Variants in PLA2G1B observed in about 807,000 individuals in gnomAD.
PLA2G1B encodes phospholipase A2 group IB, also known as phospholipase A2.
PLA2G1B carries 12 observed loss-of-function variants against 12.5 expected under a neutral mutation model. The observed-to-expected ratio is 0.96, with a 90% CI of 0.62 to 1.56. PLA2G1B has a LOEUF of 1.56. Ranked by LOEUF, PLA2G1B falls within the 40% of genes most tolerant of loss-of-function variation. The pLI is 0.00. For synonymous variants in PLA2G1B, 81 were observed against 73.4 expected, an observed-to-expected ratio of 1.10 and a Z score of -0.53; for missense variants, 189 against 186.7, an observed-to-expected ratio of 1.01 and a Z score of -0.07.
At chr12:120,325,170 A>G (rs113263838) in intron 2 of PLA2G1B, 109 bp from the exon 3 acceptor site, 7 of 1,026,506 alleles carry the variant, frequency 6.8e-6, no homozygotes, top group African/African-American at 3.2e-5. Flanking sequence ...AAGATGCTTC[A>G]GGAGAAATGA....
intron 1 of PLA2G1B, 107 bp from the exon 2 acceptor site, chr12:120,326,127 T>C (rs1159733560): frequency 8.6e-7 from 1 of 1,165,260 alleles, no homozygotes; most frequent in East Asian, 2.4e-5. Flanking sequence ...CCCTGCCAGC[T>C]GCCTCCTCTG....
At chr12:120,325,443 G>T (rs998382187) in intron 2 of PLA2G1B, among the ~76,000 whole-genome samples, 1 of 151,964 alleles carries the variant, frequency 6.6e-6, no homozygotes, top group Admixed American at 6.6e-5. Context: ...CAAGTGATCC[G>T]CCCGCCTCGG....
Position 120,322,306 on chromosome 12 carries a change from C to T in PLA2G1B, c.334G>A (p.Glu112Lys), listed in dbSNP as rs1226128341. The change falls in exon 4 of 4, where the codon GAG becomes AAG. Residue 112 changes from glutamate to lysine, a missense_variant. By Grantham distance (56) the Glu-to-Lys change is moderately conservative. Coordinates refer to ENST00000308366, the MANE Select transcript of PLA2G1B (RefSeq NM_000928.3). ...CAGTTGCAAATGAAGGCCTCACACTCTTTGTTTTTGCCTGGAGAGGGATGA... is the reference window on the plus strand; with the variant it reads ...CAGTTGCAAATGAAGGCCTCACACTTTTTGTTTTTGCCTGGAGAGGGATGA... Reference protein sequence around the residue: ...SAITCSSKNKECEAFICNCDR... With the variant: ...SAITCSSKNKKCEAFICNCDR... The T allele has an allele frequency of 6.2e-7, 1 of 1,613,854 alleles. No individual in the cohort carries two copies. The highest frequency in any genetic ancestry group is 8.5e-7 in the Non-Finnish European group (1 of 1,179,910).
chr12:120,324,786 T>C (rs1277154983), intron 3 of PLA2G1B, 148 bp downstream of exon 3: 2 of 766,798 alleles, frequency 2.6e-6, no homozygotes, highest in Non-Finnish European at 4.4e-6. Flanking sequence ...TAATTGTACC[T>C]ATCCCATAGT....
rs1463620493 is a variant in PLA2G1B at position 120,322,254 on chromosome 12, G to A, written c.386C>T (p.Ser129Leu). Reference sequence around the variant, plus strand: ...GTGTGCCTTGTTATATGGAGCTTTTGAAAAGCAGATGGCAGCGTTGCGGTC... The same window carrying A: ...GTGTGCCTTGTTATATGGAGCTTTTAAAAAGCAGATGGCAGCGTTGCGGTC... ...NCDRNAAICF[S>L]KAPYNKAHKN... is the part of the protein sequence containing the mutation. The change falls in exon 4 of 4, where the codon TCA becomes TTA. Residue 129 changes from serine (S) to leucine (L), a missense_variant. Ser to Leu is a moderately radical substitution (Grantham distance 145). Coordinates refer to ENST00000308366, the MANE Select transcript of PLA2G1B (RefSeq NM_000928.3). The A allele has an allele frequency of 6.2e-7, 1 of 1,614,040 alleles. No homozygotes were observed. Among genetic ancestry groups the A allele is most frequent in the Non-Finnish European group, 8.5e-7 (1 of 1,179,940 alleles).
At position 120,322,162 on chromosome 12, in the gene PLA2G1B, A is replaced by G. The variant is rs1444215557; in HGVS notation, c.*31T>C. The G allele has an allele frequency of 6.2e-7, 1 of 1,610,976 alleles. No individual in the cohort carries two copies. Among genetic ancestry groups the G allele is most frequent in the South Asian group, 1.1e-5 (1 of 90,776 alleles). ...TGGAGAGTACAGTGTGAGATGAGGC[A>G]GATAGAGGTGATGCTTTTGAGAGGT... On this transcript the variant is annotated 3_prime_UTR_variant, in exon 4 of 4. Coordinates refer to ENST00000308366, the MANE Select transcript of PLA2G1B (RefSeq NM_000928.3).
At position 120,324,951 on chromosome 12, in the gene PLA2G1B, G is replaced by C; in HGVS notation, c.305C>G (p.Ser102Trp). The change falls in exon 3 of 4, where the codon TCG (serine) becomes TGG (tryptophan). Residue 102 changes from serine to tryptophan, a missense_variant. By Grantham distance (177) the Ser-to-Trp change is radical. Coordinates refer to ENST00000308366, the MANE Select transcript of PLA2G1B (RefSeq NM_000928.3). ...AAACCTACTGCTACAGGTGATTGCCGAGCCAGAGCACGAGTATGAATAGGT... is the reference window on the plus strand; with the variant it reads ...AAACCTACTGCTACAGGTGATTGCCCAGCCAGAGCACGAGTATGAATAGGT... ...THTYSYSCSG[S>W]AITCSSKNKE... 1 of 1,614,054 alleles carries C rather than the reference G, an allele frequency of 6.2e-7. No homozygotes were observed. Among genetic ancestry groups the C allele is most frequent in the Non-Finnish European group, 8.5e-7 (1 of 1,179,964 alleles).
At chr12:120,323,771 G>T (rs1873283224) in intron 3 of PLA2G1B, among the ~76,000 whole-genome samples, 1 of 152,004 alleles carries the variant, frequency 6.6e-6, no homozygotes, top group Non-Finnish European at 1.5e-5. Context: ...ATATTATTCA[G>T]TGACTAAAAT....
chr12:120,327,095 G>A (rs557085987), intron 1 of PLA2G1B, among the ~76,000 whole-genome samples: 17 of 152,054 alleles, frequency 1.1e-4, no homozygotes, highest in Admixed American at 1.1e-3. Context: ...CCAACATGGT[G>A]AAAACCTGTC....
intron 1 of PLA2G1B, among the ~76,000 whole-genome samples, chr12:120,326,583 TAATAATAATA>T (rs1873354543): frequency 1.1e-3 from 36 of 34,258 alleles, no homozygotes; most frequent in Non-Finnish European, 3.4e-3. Context: ...ACAGATATAA[TAATAATAATA>T]ATAATAATAA....
intron 1 of PLA2G1B, among the ~76,000 whole-genome samples, chr12:120,326,344 G>GC (rs1555211007): frequency 4.7e-5 from 6 of 127,572 alleles, no homozygotes; most frequent in African/African-American, 1.8e-4. Context: ...AGGCCTGATA[G>GC]TTTTTTTTTT....
intron 1 of PLA2G1B, 115 bp from the exon 2 acceptor site, chr12:120,326,135 C>T (rs11065083): frequency 9.4e-7 from 1 of 1,063,208 alleles, no homozygotes; most frequent in Admixed American, 2.0e-5. Flanking sequence ...GCTGCCTCCT[C>T]TGAAGACCGT....
At chr12:120,324,798 T>C in intron 3 of PLA2G1B, 136 bp downstream of exon 3, 2 of 839,714 alleles carry the variant, frequency 2.4e-6, no homozygotes, top group Non-Finnish European at 2.0e-6. Context: ...TCCCATAGTG[T>C]TGTTCTGAGG....
chr12:120,326,887 C>T (rs925566325), intron 1 of PLA2G1B, among the ~76,000 whole-genome samples: 1 of 151,896 alleles, frequency 6.6e-6, no homozygotes, highest in East Asian at 1.9e-4. Context: ...GGGAGAATGG[C>T]GTGAACCCAG....
chr12:120,323,302 G>A (rs1040454066), intron 3 of PLA2G1B, among the ~76,000 whole-genome samples: 1 of 151,892 alleles, frequency 6.6e-6, no homozygotes, highest in Non-Finnish European at 1.5e-5. Context: ...GTCTCGCTGT[G>A]TCGCCCAGGC....
At chr12:120,326,974 A>C (rs1420322388) in intron 1 of PLA2G1B, among the ~76,000 whole-genome samples, 1 of 151,952 alleles carries the variant, frequency 6.6e-6, no homozygotes, top group African/African-American at 2.4e-5. Flanking sequence ...CTGTCTCAAT[A>C]ATAATAAGAA....
intron 2 of PLA2G1B, 33 bp downstream of exon 2, chr12:120,325,828 G>T: frequency 1.9e-6 from 3 of 1,608,766 alleles, no homozygotes; most frequent in Non-Finnish European, 2.6e-6. Context: ...CCCCCGGCAG[G>T]CACTCCAATT....
chr12:120,323,778 A>T (rs913381324), intron 3 of PLA2G1B, among the ~76,000 whole-genome samples: 4 of 152,180 alleles, frequency 2.6e-5, no homozygotes, highest in African/African-American at 9.7e-5. Context: ...TCAGTGACTA[A>T]AATAGTAACA....
In PLA2G1B at chr12:120,325,062, C is replaced by T. The variant is rs775643362; in HGVS notation, c.195-1G>A. The stretch of plus-strand genomic sequence containing the variant: ...GCAGTTGTCATGTGTCTGGCAGCAC[C>T]TGGAAAGTGGGAGGGACAGCTGAGA... On this transcript the variant is annotated splice_acceptor_variant, in intron 2 of 3. Coordinates refer to ENST00000308366, the MANE Select transcript of PLA2G1B (RefSeq NM_000928.3). LOFTEE classifies it high-confidence loss of function. The T allele has an allele frequency of 6.2e-6, 10 of 1,613,840 alleles. No individual in the cohort carries two copies. In the Admixed American group the frequency reaches 1.5e-4, roughly 24 times the overall value.
Sources: gnomAD v4.1 joint callset for allele counts (sites outside exome capture counted in the v4.1 genomes callset) on GRCh38, gnomAD v4.1.1 for gene constraint, MANE v1.5 for transcripts, NCBI Gene and HGNC (gene_info 2026-07-23, HGNC 2026-07-21) for gene names.